SBNO1: variants seen among roughly 807,000 people sequenced by gnomAD.
The protein encoded by SBNO1 is protein strawberry notch homolog 1.
A neutral mutation model predicts 173.6 loss-of-function variants in SBNO1; 23 were observed. That is an observed-to-expected ratio of 0.13 (90% CI 0.10 to 0.19). The LOEUF is 0.19. Among genes scored for constraint, SBNO1 ranks in the 10% least tolerant of loss-of-function variants. The pLI is 1.00. For missense variants in SBNO1, 1,238 were observed against 1,671.2 expected (o/e 0.74, Z 4.52); for synonymous variants, 632 against 571.5 (o/e 1.11, Z -1.51).
At chr12:123,299,906 G>C (rs571487900) in intron 30 of SBNO1, among the ~76,000 whole-genome samples, 1 of 152,150 alleles carries the variant, frequency 6.6e-6, no homozygotes, top group Non-Finnish European at 1.5e-5. Context: ...AAAAGAAGGA[G>C]GGGGGAAGAT....
intron 31 of SBNO1, among the ~76,000 whole-genome samples, chr12:123,297,160 G>A (rs2048625763): frequency 6.6e-6 from 1 of 150,796 alleles, no homozygotes; most frequent in Non-Finnish European, 1.5e-5. Flanking sequence ...AGGAGTTTGA[G>A]ACTAGCCTGG....
Position 123,355,536 on chromosome 12 carries a change from G to A in SBNO1, c.1-5095C>T, listed in dbSNP as rs561566913. 2.6e-5 allele frequency among the ~76,000 whole-genome samples: 4 copies of A among 151,746 alleles called. No individual in the cohort carries two copies. The South Asian group carries it at 6.3e-4, about 24-fold the overall frequency. ...GGAGAATCGCGTGAACCCGGGAGGC[G>A]GAGGTTGCAGTGAGCCAAGATCGCA... On this transcript the variant is annotated intron_variant, in intron 1 of 31. Coordinates refer to ENST00000602398, the MANE Select transcript of SBNO1 (RefSeq NM_001167856.3).
In SBNO1 at chr12:123,345,259, A is replaced by G; in HGVS notation, c.549T>C (p.Ala183=). 1 of 1,611,234 alleles carries G rather than the reference A, an allele frequency of 6.2e-7. No individual in the cohort carries two copies. Among genetic ancestry groups the G allele is most frequent in the South Asian group, 1.1e-5 (1 of 91,000 alleles). The change falls in exon 4 of 32, where the codon GCT becomes GCC. Residue 183 remains alanine, a splice_region_variant and synonymous_variant. Coordinates refer to ENST00000602398, the MANE Select transcript of SBNO1 (RefSeq NM_001167856.3). ...ANIAQPVATA[A]TDVSNGTVKK... ...TGATACTATTGAAAACAGACTTACT[A>G]GCTGCTGTTGCTACTGGCTGAGCAA...
Position 123,309,319 on chromosome 12 carries a change from C to T in SBNO1, c.3621G>A (p.Leu1207=), listed in dbSNP as rs1299817334. The T allele has an allele frequency of 1.2e-6, 2 of 1,613,546 alleles. No individual in the cohort carries two copies. The highest frequency in any genetic ancestry group is 1.7e-6 in the Non-Finnish European group (2 of 1,179,486). ...ELTGPDDGFY[L]SLQIRNNKKT... ...AAAGGAAAAGTCGTACTTGCAATGA[C>T]AAGTAAAAGCCATCGTCTGGTCCTG... Residue 1207 remains leucine, a synonymous_variant, in exon 28 of 32, where the codon TTG becomes TTA. Coordinates refer to ENST00000602398, the MANE Select transcript of SBNO1 (RefSeq NM_001167856.3).
At chr12:123,313,566 A>G in intron 24 of SBNO1, 54 bp downstream of exon 24, 1 of 938,284 alleles carries the variant, frequency 1.1e-6, no homozygotes, top group South Asian at 1.4e-5. Context: ...AACAGGTTTG[A>G]GTACATCTTT....
intron 4 of SBNO1, among the ~76,000 whole-genome samples, chr12:123,343,365 G>T (rs1872763785): frequency 6.6e-6 from 1 of 152,142 alleles, no homozygotes; most frequent in African/African-American, 2.4e-5. Context: ...TAAGACCAGA[G>T]AAATTGTGAC....
chr12:123,333,344 A>C (rs1371698384), intron 7 of SBNO1, among the ~76,000 whole-genome samples: 1 of 152,126 alleles, frequency 6.6e-6, no homozygotes, highest in Admixed American at 6.6e-5. Context: ...ATAATATCAC[A>C]GTTTATGCAA....
intron 21 of SBNO1, among the ~76,000 whole-genome samples, chr12:123,316,668 C>A (rs1021210714): frequency 1.3e-5 from 2 of 151,372 alleles, no homozygotes; most frequent in Non-Finnish European, 2.9e-5. Flanking sequence ...TACAGGCACA[C>A]GCCACCACAC....
chr12:123,310,822 C>G (rs888443780), intron 25 of SBNO1, among the ~76,000 whole-genome samples: 1 of 152,038 alleles, frequency 6.6e-6, no homozygotes, highest in Non-Finnish European at 1.5e-5. Context: ...CGTGAGCCAC[C>G]GTGCCCAGCA....
At chr12:123,302,966 G>T in intron 29 of SBNO1, 66 bp from the exon 30 acceptor site, 1 of 1,207,330 alleles carries the variant, frequency 8.3e-7, no homozygotes, top group Non-Finnish European at 1.2e-6. Context: ...ACCTAGTCTG[G>T]TCTGTAATTC....
At chr12:123,340,874 T>G (rs985797217) in intron 5 of SBNO1, 114 bp downstream of exon 5, 18 of 679,352 alleles carry the variant, frequency 2.6e-5, no homozygotes, top group Non-Finnish European at 3.3e-5. Context: ...CACGCCTGTA[T>G]AGCTTCTTCC....
intron 14 of SBNO1, 148 bp downstream of exon 14, chr12:123,326,004 C>G (rs1429104472): frequency 1.9e-6 from 1 of 533,994 alleles, no homozygotes; most frequent in Non-Finnish European, 3.2e-6. Flanking sequence ...TCTAAGCAGG[C>G]ATTGCTTTTA....
At chr12:123,314,629 G>A (rs553883814) in intron 23 of SBNO1, among the ~76,000 whole-genome samples, 2 of 150,704 alleles carry the variant, frequency 1.3e-5, no homozygotes, top group African/African-American at 4.9e-5. Flanking sequence ...GCCCAGCCAC[G>A]CCCAACTAAT....
At chr12:123,321,412 A>T in intron 17 of SBNO1, 123 bp downstream of exon 17, 5 of 748,422 alleles carry the variant, frequency 6.7e-6, no homozygotes, top group Non-Finnish European at 8.6e-6. Flanking sequence ...GGAGCTTTCC[A>T]CCAAGCAAAG....
chr12:123,331,400 A>C, intron 7 of SBNO1, 25 bp from the exon 8 acceptor site: 1 of 1,608,838 alleles, frequency 6.2e-7, no homozygotes. Flanking sequence ...GCTGGTAATT[A>C]ATATAATCCT....
At chr12:123,319,522 C>A (rs1482254564) in intron 20 of SBNO1, among the ~76,000 whole-genome samples, 3 of 152,126 alleles carry the variant, frequency 2.0e-5, no homozygotes, top group African/African-American at 7.2e-5. Context: ...ATCCTCCCAC[C>A]TCTGCCTTCT....
Position 123,290,142 on chromosome 12 carries a change from A to G in SBNO1, c.*5766T>C, listed in dbSNP as rs1408794812. On this transcript the variant is annotated 3_prime_UTR_variant, in exon 32 of 32. Coordinates refer to ENST00000602398, the MANE Select transcript of SBNO1 (RefSeq NM_001167856.3). ...GCCCTGCCACGTTGCGGCAGCCCAGATGGCCGCACTGCCAACCACAGCACG... is the reference window on the plus strand; with the variant it reads ...GCCCTGCCACGTTGCGGCAGCCCAGGTGGCCGCACTGCCAACCACAGCACG... 6.6e-6 allele frequency: 1 copy of G among 152,256 alleles called. No homozygotes were observed. The highest frequency in any genetic ancestry group is 1.5e-5 in the Non-Finnish European group (1 of 68,074). 9.4% of individuals were successfully genotyped at this position (152,256 alleles called of 1,614,324 possible).
rs568691391 is a variant in SBNO1 at position 123,309,379 on chromosome 12, T to A, written c.3561A>T (p.Ser1187=). 8 of 1,613,962 alleles carry A rather than the reference T, an allele frequency of 5.0e-6. No individual in the cohort carries two copies. The African/African-American group carries it at 1.1e-4, about 22-fold the overall frequency. Residue 1187 remains serine, a synonymous_variant, in exon 28 of 32, where the codon TCA becomes TCT. Coordinates refer to ENST00000602398, the MANE Select transcript of SBNO1 (RefSeq NM_001167856.3). The part of the protein sequence containing the change: ...LYTISVERGM[S]WEEATKIWAE... ...CCCAAATCTTGGTAGCTTCCTCCCA[T>A]GACATTCCCCTCTCTACACTAATCT...
chr12:123,317,392 CA>C (rs1414166876), intron 20 of SBNO1, 36 bp from the exon 21 acceptor site: 1 of 1,607,870 alleles, frequency 6.2e-7, no homozygotes, highest in Non-Finnish European at 8.5e-7. Flanking sequence ...GTCACTTTTG[CA>C]TAAGAACAAG....
Sources: gnomAD v4.1 joint callset for allele counts (sites outside exome capture counted in the v4.1 genomes callset) on GRCh38, gnomAD v4.1.1 for gene constraint, MANE v1.5 for transcripts, NCBI Gene and HGNC (gene_info 2026-07-23, HGNC 2026-07-21) for gene names.